GMDS: variants seen among roughly 807,000 people sequenced by gnomAD.
GMDS encodes the protein GDP-mannose 4,6 dehydratase.
GMDS carries 20 observed loss-of-function variants against 49.9 expected under a neutral mutation model. The observed-to-expected ratio is 0.40, with a 90% CI of 0.28 to 0.58. The LOEUF is 0.58. Ranked by LOEUF, GMDS falls within the 20% of genes least tolerant of loss-of-function variation. GMDS has a pLI of 0.42. For missense variants in GMDS, 362 were observed against 481.4 expected (o/e 0.75, Z 2.32); for synonymous variants, 177 against 178.6 (o/e 0.99, Z 0.07).
chr6:2,128,605 A>G (rs1048357530), intron 1 of GMDS, among the ~76,000 whole-genome samples: 3 of 152,130 alleles, frequency 2.0e-5, no homozygotes, highest in African/African-American at 7.2e-5. Context: ...CTAGCCACCC[A>G]CTGTTTTGAA....
chr6:2,171,337 G>A (rs984705771), intron 1 of GMDS, among the ~76,000 whole-genome samples: 40 of 152,094 alleles, frequency 2.6e-4, no homozygotes, highest in African/African-American at 9.7e-4. Context: ...TGGCCCATTC[G>A]GTCTGCTATA....
intron 1 of GMDS, among the ~76,000 whole-genome samples, chr6:2,153,875 A>T (rs1487161459): frequency 6.6e-6 from 1 of 152,218 alleles, no homozygotes; most frequent in Non-Finnish European, 1.5e-5. Context: ...AACTGTATGC[A>T]GAATATAACG....
intron 7 of GMDS, among the ~76,000 whole-genome samples, chr6:1,925,727 A>G (rs1188223446): frequency 6.6e-6 from 1 of 152,196 alleles, no homozygotes; most frequent in Non-Finnish European, 1.5e-5. Context: ...GGGGCAGGGA[A>G]GTGCCGGGAG....
At chr6:2,094,988 C>A (rs1773511759) in intron 4 of GMDS, among the ~76,000 whole-genome samples, 1 of 152,168 alleles carries the variant, frequency 6.6e-6, no homozygotes, top group Non-Finnish European at 1.5e-5. Context: ...AATTTTCTCA[C>A]TAAGAATCAA....
chr6:2,166,741 C>T (rs779296361), intron 1 of GMDS, among the ~76,000 whole-genome samples: 2 of 152,224 alleles, frequency 1.3e-5, no homozygotes, highest in South Asian at 4.1e-4. Flanking sequence ...TGATAAATCA[C>T]TCATCAGCAG....
In GMDS at chr6:2,202,629, T is replaced by C. The variant is rs563426825; in HGVS notation, c.102+42692A>G. Reference sequence around the variant, plus strand: ...AGGTGGGAACAGTCACGGTAGCTCATAGGCTCAGAGACTGGCCTCGTGGCC... The same window carrying C: ...AGGTGGGAACAGTCACGGTAGCTCACAGGCTCAGAGACTGGCCTCGTGGCC... On this transcript the variant is annotated intron_variant, in intron 1 of 10. Coordinates refer to ENST00000380815, the MANE Select transcript of GMDS (RefSeq NM_001500.4). Among the ~76,000 whole-genome samples, 13 of 152,224 alleles carry C rather than the reference T, an allele frequency of 8.5e-5. No individual in the cohort carries two copies. In the South Asian group the frequency reaches 1.7e-3, roughly 19 times the overall value.
intron 7 of GMDS, among the ~76,000 whole-genome samples, chr6:1,909,541 T>C (rs916497437): frequency 8.5e-5 from 13 of 152,222 alleles, no homozygotes; most frequent in African/African-American, 2.9e-4. Flanking sequence ...TGGGGCCCAG[T>C]AGTCACTGAG....
chr6:1,964,744 T>G (rs141160105), intron 4 of GMDS, among the ~76,000 whole-genome samples: 3 of 152,286 alleles, frequency 2.0e-5, no homozygotes, highest in African/African-American at 7.2e-5. Context: ...AGGTTACATA[T>G]GTATACATGT....
At chr6:1,849,980 C>A (rs534701791) in intron 7 of GMDS, among the ~76,000 whole-genome samples, 4 of 152,306 alleles carry the variant, frequency 2.6e-5, no homozygotes, top group African/African-American at 7.2e-5. Flanking sequence ...GCTTTTTACA[C>A]CTGAAGACAT....
intron 1 of GMDS, among the ~76,000 whole-genome samples, chr6:2,136,046 G>T (rs1414441601): frequency 6.6e-6 from 1 of 152,130 alleles, no homozygotes; most frequent in African/African-American, 2.4e-5. Flanking sequence ...TGTACAGCAT[G>T]TTACTGTACT....
At chr6:1,913,365 A>T (rs1165299368) in intron 7 of GMDS, among the ~76,000 whole-genome samples, 2 of 138,784 alleles carry the variant, frequency 1.4e-5, no homozygotes, top group Non-Finnish European at 3.0e-5. Context: ...TGGGCGACAG[A>T]GCGAGACTCC....
chr6:1,882,361 A>C (rs1222998271), intron 7 of GMDS, among the ~76,000 whole-genome samples: 1 of 152,264 alleles, frequency 6.6e-6, no homozygotes, highest in Non-Finnish European at 1.5e-5. Context: ...TTCCCAGTTT[A>C]GTTGAGCATG....
chr6:1,755,058 A>C (rs1767888730), intron 7 of GMDS, among the ~76,000 whole-genome samples: 1 of 152,214 alleles, frequency 6.6e-6, no homozygotes, highest in South Asian at 2.1e-4. Context: ...GAAAGAAATC[A>C]AGAGTATTCA....
intron 4 of GMDS, among the ~76,000 whole-genome samples, chr6:2,107,741 G>A (rs988909340): frequency 2.0e-5 from 3 of 152,178 alleles, no homozygotes; most frequent in Non-Finnish European, 2.9e-5. Flanking sequence ...AAAGTATCCA[G>A]TCTTTGCTCC....
At chr6:2,079,932 C>A (rs1360872982) in intron 4 of GMDS, among the ~76,000 whole-genome samples, 2 of 151,996 alleles carry the variant, frequency 1.3e-5, no homozygotes, top group African/African-American at 2.4e-5. Flanking sequence ...CTTCTGGGAC[C>A]CAAATGATTC....
chr6:1,947,006 A>G (rs949962294), intron 6 of GMDS, among the ~76,000 whole-genome samples: 5 of 152,228 alleles, frequency 3.3e-5, no homozygotes, highest in African/African-American at 1.2e-4. Flanking sequence ...CATTTTTTGG[A>G]AAGAAGTAGA....
intron 7 of GMDS, among the ~76,000 whole-genome samples, chr6:1,761,713 A>G (rs1581151620): frequency 6.6e-6 from 1 of 152,226 alleles, no homozygotes; most frequent in Non-Finnish European, 1.5e-5. Flanking sequence ...AAGTATTTGC[A>G]TAGAGCTTTA....
chr6:1,794,355 A>T (rs1769655934), intron 7 of GMDS, among the ~76,000 whole-genome samples: 1 of 152,230 alleles, frequency 6.6e-6, no homozygotes, highest in Non-Finnish European at 1.5e-5. Context: ...CACCATATAT[A>T]AACCACTGAG....
intron 1 of GMDS, among the ~76,000 whole-genome samples, chr6:2,167,930 T>C (rs575880720): frequency 6.6e-6 from 1 of 152,252 alleles, no homozygotes; most frequent in Non-Finnish European, 1.5e-5. Flanking sequence ...CAATAAGTAC[T>C]GCTTAAATAA....
Sources: gnomAD v4.1 joint callset for allele counts (sites outside exome capture counted in the v4.1 genomes callset) on GRCh38, gnomAD v4.1.1 for gene constraint, MANE v1.5 for transcripts, NCBI Gene and HGNC (gene_info 2026-07-23, HGNC 2026-07-21) for gene names.